GALNT5: variants seen among roughly 807,000 people sequenced by gnomAD.
GALNT5 encodes UDP-GalNAc:polypeptide N-acetylgalactosaminyltransferase 5.
A neutral mutation model predicts 85.4 loss-of-function variants in GALNT5; 72 were observed. That is an observed-to-expected ratio of 0.84 (90% CI 0.70 to 1.03). The LOEUF is 1.03. Among genes scored for constraint, GALNT5 ranks in the 50% least tolerant of loss-of-function variants. GALNT5 has a pLI of 0.00. For synonymous variants in GALNT5, 404 were observed against 397.0 expected (o/e 1.02, Z -0.21); for missense variants, 1,137 against 1,135.5 (o/e 1.00, Z -0.02).
At chr2:157,279,251 G>A (rs1182740347) in intron 1 of GALNT5, among the ~76,000 whole-genome samples, 3 of 152,230 alleles carry the variant, frequency 2.0e-5, no homozygotes, top group Non-Finnish European at 4.4e-5. Flanking sequence ...CTACTGGGAG[G>A]TGTCTCCCAG....
At chr2:157,292,929 C>CT (rs1683131424) in intron 3 of GALNT5, among the ~76,000 whole-genome samples, 1 of 152,150 alleles carries the variant, frequency 6.6e-6, no homozygotes, top group African/African-American at 2.4e-5. Context: ...GCCTTGATCT[C>CT]TCAGCCTCAT....
In GALNT5 at chr2:157,261,117, A is replaced by T. The variant is rs904303595; in HGVS notation, c.1454+1581A>T. On this transcript the variant is annotated intron_variant, in intron 1 of 9. Transcript: ENST00000259056. ...AGTCCTGTGTATCACAGGATTACAC[A>T]TGCCAGCTTTGAACACAAAGTGCAA... 2.6e-5 allele frequency among the ~76,000 whole-genome samples: 4 copies of T among 152,204 alleles called. No homozygotes were observed. In the South Asian group the frequency reaches 8.3e-4, roughly 32 times the overall value.
intron 5 of GALNT5, chr2:157,299,017 C>G (rs2105160360): frequency 6.5e-6 from 1 of 153,780 alleles, no homozygotes; most frequent in East Asian, 1.9e-4. Context: ...CGTCCTCTTC[C>G]ACAGAGCGCG....
In GALNT5 at chr2:157,317,161, A is replaced by G. The variant is rs1189158202; in HGVS notation, c.*5813A>G. 1.4e-5 allele frequency among the ~76,000 whole-genome samples: 2 copies of G among 145,568 alleles called. No homozygotes were observed. The highest frequency in any genetic ancestry group is 2.5e-5 in the African/African-American group (1 of 39,450). On this transcript the variant is annotated 3_prime_UTR_variant, in exon 10 of 10. Coordinates refer to ENST00000259056, the MANE Select transcript of GALNT5 (RefSeq NM_014568.3). ...AAAACATAGCAATTTTTGTAAATAT[A>G]CTGTATGTGTGTGTATATATATATA...
At chr2:157,260,245 A>G (rs1332236733) in intron 1 of GALNT5, among the ~76,000 whole-genome samples, 1 of 152,222 alleles carries the variant, frequency 6.6e-6, no homozygotes, top group Non-Finnish European at 1.5e-5. Context: ...GCCTGCATAC[A>G]CATAGATGAA....
In GALNT5 at chr2:157,277,976, T is replaced by G. The variant is rs1403041083; in HGVS notation, c.1455-6306T>G. 2.6e-5 allele frequency among the ~76,000 whole-genome samples: 4 copies of G among 152,322 alleles called. No homozygotes were observed. The East Asian group carries it at 5.8e-4, about 22-fold the overall frequency. ...GGCTGGTACCAGTTGTTTCTTTCCA[T>G]GTTTAGTGCTTCCTTCAGGAGCTCT... On this transcript the variant is annotated intron_variant, in intron 1 of 9. Transcript: ENST00000259056.
In GALNT5 at chr2:157,272,121, T is replaced by C. The variant is rs113162310; in HGVS notation, c.1455-12161T>C. 4.8e-3 allele frequency among the ~76,000 whole-genome samples: 731 copies of C among 152,270 alleles called. 10 individuals are homozygous for C. Among genetic ancestry groups the C allele is most frequent in the African/African-American group, 0.015 (636 of 41,552 alleles). ...ACTGCCATTGTAAGGTGGGTTAATA[T>C]AAAGAGACCTTGCTTCATTGATAAT... On this transcript the variant is annotated intron_variant, in intron 1 of 9. Transcript: ENST00000259056.
chr2:157,276,156 T>C (rs1682720690), intron 1 of GALNT5, among the ~76,000 whole-genome samples: 3 of 152,216 alleles, frequency 2.0e-5, no homozygotes, highest in Admixed American at 2.0e-4. Context: ...TAGCCTTTCA[T>C]CCCAGGGATG....
intron 7 of GALNT5, among the ~76,000 whole-genome samples, chr2:157,304,602 C>T (rs1398052248): frequency 6.6e-6 from 1 of 152,162 alleles, no homozygotes; most frequent in Non-Finnish European, 1.5e-5. Context: ...TCTGTTTTTC[C>T]GCTGTTATGT....
At chr2:157,307,954 A>G (rs1683488964) in intron 8 of GALNT5, among the ~76,000 whole-genome samples, 1 of 152,230 alleles carries the variant, frequency 6.6e-6, no homozygotes, top group Non-Finnish European at 1.5e-5. Context: ...TTTCTCCAAG[A>G]GCAGTTTCTA....
intron 3 of GALNT5, among the ~76,000 whole-genome samples, chr2:157,292,552 C>T (rs1387469255): frequency 6.6e-6 from 1 of 152,104 alleles, no homozygotes; most frequent in Non-Finnish European, 1.5e-5. Flanking sequence ...GAAGTGAATG[C>T]AGGTTTGGGG....
At chr2:157,263,073 C>T (rs553442114) in intron 1 of GALNT5, among the ~76,000 whole-genome samples, 19 of 151,564 alleles carry the variant, frequency 1.3e-4, no homozygotes, top group Admixed American at 6.6e-4. Context: ...ATGATCTGCC[C>T]GCCTTGGCCT....
chr2:157,270,336 T>A (rs1682554882), intron 1 of GALNT5, among the ~76,000 whole-genome samples: 1 of 152,156 alleles, frequency 6.6e-6, no homozygotes, highest in Admixed American at 6.5e-5. Flanking sequence ...AATTTTGGCA[T>A]CTCCAGTTTC....
intron 6 of GALNT5, 95 bp downstream of exon 6, chr2:157,299,760 C>A: frequency 3.4e-6 from 2 of 587,526 alleles, no homozygotes; most frequent in South Asian, 3.1e-5. Context: ...ATGTGACTGC[C>A]ACTGAGAGGA....
At chr2:157,266,101 T>G (rs767504315) in intron 1 of GALNT5, among the ~76,000 whole-genome samples, 2 of 152,206 alleles carry the variant, frequency 1.3e-5, no homozygotes, top group Non-Finnish European at 2.9e-5. Flanking sequence ...GGCAGTTCAT[T>G]TCATTGCACG....
rs1244253014 is a variant in GALNT5, at chr2:157,313,232, A to C, written c.*1884A>C. 1.3e-5 allele frequency: 2 copies of C among 152,192 alleles called. No homozygotes were observed. The highest frequency in any genetic ancestry group is 4.8e-5 in the African/African-American group (2 of 41,436). 9.4% of individuals were successfully genotyped at this position (152,192 alleles called of 1,614,324 possible). Reference sequence around the variant, plus strand: ...TGCTTTTCTATGTTTAGACACACAAATACTCACCATGATGTTACAATAGCC... The same window carrying C: ...TGCTTTTCTATGTTTAGACACACAACTACTCACCATGATGTTACAATAGCC... On this transcript the variant is annotated 3_prime_UTR_variant, in exon 10 of 10. Transcript: ENST00000259056.
intron 1 of GALNT5, among the ~76,000 whole-genome samples, chr2:157,268,827 A>G (rs113014266): frequency 1.4e-3 from 208 of 152,310 alleles, no homozygotes; most frequent in African/African-American, 4.5e-3. Context: ...TTTTAAGTAT[A>G]GCATGGGACC....
chr2:157,291,539 A>T (rs1683097360), intron 3 of GALNT5, among the ~76,000 whole-genome samples: 1 of 152,162 alleles, frequency 6.6e-6, no homozygotes, highest in African/African-American at 2.4e-5. Context: ...TACAGCAGCA[A>T]TATTCCAGGC....
At position 157,259,500 on chromosome 2, in the gene GALNT5, C is replaced by T; in HGVS notation, c.1418C>T (p.Pro473Leu). 7.0e-7 allele frequency: 1 copy of T among 1,421,442 alleles called. No individual in the cohort carries two copies. The allele number at this position is 1,421,442 out of a possible 1,614,324, so 88.1% of individuals were successfully genotyped here. ...NFNVYLSDLI[P>L]VDRAIEDTRP... The stretch of plus-strand genomic sequence containing the variant: ...AATGTCTACCTTAGCGATTTGATCC[C>T]AGTGGATAGAGCCATTGAAGACACC... Residue 473 changes from proline to leucine, a missense_variant, in exon 1 of 10, where the codon CCA becomes CTA. Transcript: ENST00000259056.
Sources: allele counts gnomAD v4.1 joint callset (sites outside exome capture counted in the v4.1 genomes callset), GRCh38; gene constraint gnomAD v4.1.1; transcripts MANE v1.5; gene names NCBI Gene and HGNC (gene_info 2026-07-23, HGNC 2026-07-21).